Variants in ANGPT1 observed in about 807,000 individuals in gnomAD.
ANGPT1 encodes the protein angiopoietin 1.
ANGPT1 carries 17 observed loss-of-function variants against 62.2 expected under a neutral mutation model. The observed-to-expected ratio is 0.27, with a 90% CI of 0.19 to 0.41. ANGPT1 has a LOEUF of 0.41. Among genes scored for constraint, ANGPT1 ranks in the 10% least tolerant of loss-of-function variants. The pLI, the probability that ANGPT1 is intolerant of heterozygous loss-of-function variation, is 1.00. For synonymous variants in ANGPT1, 199 were observed against 198.9 expected, an observed-to-expected ratio of 1.00 and a Z score of 0.00; for missense variants, 478 against 594.9, an observed-to-expected ratio of 0.80 and a Z score of 2.04.
At chr8:107,296,671 A>G (rs995484277) in intron 5 of ANGPT1, among the ~76,000 whole-genome samples, 1 of 151,978 alleles carries the variant, frequency 6.6e-6, no homozygotes, top group Non-Finnish European at 1.5e-5. Context: ...TCAAGGAAAC[A>G]TTTTTCTAGA....
At chr8:107,274,789 C>CA (rs1199186820) in intron 7 of ANGPT1, among the ~76,000 whole-genome samples, 2 of 151,938 alleles carry the variant, frequency 1.3e-5, no homozygotes, top group East Asian at 1.9e-4. Context: ...GTTGAATGCA[C>CA]AAAAAAACCT....
intron 1 of ANGPT1, among the ~76,000 whole-genome samples, chr8:107,449,760 CA>C: frequency 6.6e-6 from 1 of 151,994 alleles, no homozygotes; most frequent in South Asian, 2.1e-4. Context: ...TTAGTTTGTG[CA>C]AAGAACCCGT....
chr8:107,391,676 A>C (rs1478728474), intron 1 of ANGPT1, among the ~76,000 whole-genome samples: 1 of 152,172 alleles, frequency 6.6e-6, no homozygotes, highest in East Asian at 1.9e-4. Context: ...CAAAACAAAC[A>C]AACAGACAAA....
intron 2 of ANGPT1, among the ~76,000 whole-genome samples, chr8:107,343,650 T>G (rs1006022996): frequency 3.3e-5 from 5 of 152,104 alleles, no homozygotes; most frequent in Admixed American, 6.5e-5. Context: ...TTAATTTGAC[T>G]GAAAGTTAAG....
chr8:107,398,125 T>C (rs1277725596), intron 1 of ANGPT1, among the ~76,000 whole-genome samples: 1 of 152,190 alleles, frequency 6.6e-6, no homozygotes, highest in South Asian at 2.1e-4. Context: ...GATTTGTATG[T>C]ATTTTAAGCA....
At chr8:107,387,601 A>G (rs958985507) in intron 1 of ANGPT1, among the ~76,000 whole-genome samples, 3 of 151,992 alleles carry the variant, frequency 2.0e-5, no homozygotes, top group African/African-American at 7.2e-5. Context: ...CGATCGTACT[A>G]TTTATTTTTG....
chr8:107,349,759 G>A (rs1018857305), intron 1 of ANGPT1, among the ~76,000 whole-genome samples: 14 of 152,090 alleles, frequency 9.2e-5, no homozygotes, highest in African/African-American at 3.1e-4. Flanking sequence ...ATTTAGCCTA[G>A]CACTGATTTG....
chr8:107,347,206 T>C, intron 1 of ANGPT1, 109 bp from the exon 2 acceptor site: 2 of 1,132,154 alleles, frequency 1.8e-6, no homozygotes, highest in East Asian at 2.4e-5. Context: ...ATCAGCCATC[T>C]GGCGGGGATC....
intron 1 of ANGPT1, among the ~76,000 whole-genome samples, chr8:107,428,221 C>T (rs1226608910): frequency 6.6e-6 from 1 of 152,142 alleles, no homozygotes; most frequent in Non-Finnish European, 1.5e-5. Flanking sequence ...AGATGACATT[C>T]ACCTTTTATG....
chr8:107,338,543 G>A (rs1262510976), intron 2 of ANGPT1, among the ~76,000 whole-genome samples: 1 of 152,194 alleles, frequency 6.6e-6, no homozygotes, highest in African/African-American at 2.4e-5. Context: ...CATTTATACA[G>A]TCATTAGTAA....
At chr8:107,269,350 G>C (rs190981926) in intron 7 of ANGPT1, among the ~76,000 whole-genome samples, 1 of 151,924 alleles carries the variant, frequency 6.6e-6, no homozygotes, top group African/African-American at 2.4e-5. Context: ...GGCTCAAACA[G>C]AACATTTGGA....
At chr8:107,359,460 G>A (rs539175695) in intron 1 of ANGPT1, among the ~76,000 whole-genome samples, 1 of 152,200 alleles carries the variant, frequency 6.6e-6, no homozygotes, top group African/African-American at 2.4e-5. Flanking sequence ...AGAAAGAAAG[G>A]AAACATGTTA....
intron 1 of ANGPT1, among the ~76,000 whole-genome samples, chr8:107,352,353 G>A (rs963372321): frequency 3.9e-5 from 6 of 152,092 alleles, no homozygotes; most frequent in Admixed American, 2.6e-4. Flanking sequence ...TATTAAGTAG[G>A]CAAAGAAAAC....
rs77597231 is a variant in ANGPT1, at chr8:107,269,553, A to C, written c.1206-5202T>G. On this transcript the variant is annotated intron_variant, in intron 7 of 8. Coordinates refer to ENST00000517746, the MANE Select transcript of ANGPT1 (RefSeq NM_001146.5). ...TTGGAAGTGTGAAACATTAGTTAGA[A>C]TACATCTCCCAAAATAACAGCATGG... 2.1e-3 allele frequency among the ~76,000 whole-genome samples: 319 copies of C among 152,210 alleles called. 2 individuals carry two copies. The highest frequency in any genetic ancestry group is 6.8e-3 in the Middle Eastern group (2 of 294).
chr8:107,300,039 A>T (rs1814544912), intron 5 of ANGPT1, among the ~76,000 whole-genome samples: 2 of 142,558 alleles, frequency 1.4e-5, no homozygotes, highest in South Asian at 4.3e-4. Flanking sequence ...ATCTAGATAT[A>T]ACTATATATA....
intron 6 of ANGPT1, among the ~76,000 whole-genome samples, chr8:107,287,609 C>T (rs184343717): frequency 4.6e-5 from 7 of 152,224 alleles, no homozygotes; most frequent in African/African-American, 1.4e-4. Flanking sequence ...ATGAAAAATA[C>T]GTGAAAGAAG....
intron 1 of ANGPT1, among the ~76,000 whole-genome samples, chr8:107,475,762 A>G (rs559684004): frequency 6.6e-6 from 1 of 152,324 alleles, no homozygotes; most frequent in South Asian, 2.1e-4. Flanking sequence ...AATCCCATCA[A>G]AAAGTGGGTG....
chr8:107,493,313 G>A (rs1174571465), intron 1 of ANGPT1, among the ~76,000 whole-genome samples: 1 of 150,486 alleles, frequency 6.6e-6, no homozygotes, highest in African/African-American at 2.5e-5. Flanking sequence ...TACAGTCAAT[G>A]TACTGTGATG....
At chr8:107,359,248 C>T (rs890430765) in intron 1 of ANGPT1, among the ~76,000 whole-genome samples, 5 of 152,126 alleles carry the variant, frequency 3.3e-5, no homozygotes, top group African/African-American at 1.2e-4. Context: ...ATTCCTGTTA[C>T]CCTGAGTTCT....
Sources: allele counts gnomAD v4.1 joint callset (sites outside exome capture counted in the v4.1 genomes callset), GRCh38; gene constraint gnomAD v4.1.1; transcripts MANE v1.5; gene names NCBI Gene and HGNC (gene_info 2026-07-23, HGNC 2026-07-21).